Variants in RYR2 observed in about 807,000 individuals in gnomAD.
RYR2 encodes cardiac muscle ryanodine receptor-calcium release channel.
RYR2 carries 227 observed loss-of-function variants against 601.1 expected under a neutral mutation model. That is an observed-to-expected ratio of 0.38 (90% confidence interval 0.34 to 0.42). The LOEUF (loss-of-function observed/expected upper bound fraction) is 0.42. Among genes scored for constraint, RYR2 ranks in the 10% least tolerant of loss-of-function variants. The pLI is 1.00. For synonymous variants in RYR2, 2,223 were observed against 2,175.1 expected, an observed-to-expected ratio of 1.02 and a Z score of -0.61; for missense variants, 4,646 against 6,156.5, an observed-to-expected ratio of 0.75 and a Z score of 8.21.
intron 1 of RYR2, among the ~76,000 whole-genome samples, chr1:237,171,101 G>C (rs1677316043): frequency 6.6e-6 from 1 of 151,980 alleles, no homozygotes; most frequent in African/African-American, 2.4e-5. Flanking sequence ...GGGTGTGGTG[G>C]TGGGCACCTG....
chr1:237,806,373 G>A, intron 99 of RYR2, 90 bp downstream of exon 99: 4 of 1,302,092 alleles, frequency 3.1e-6, no homozygotes, highest in South Asian at 2.9e-5. Flanking sequence ...AAATGACAAT[G>A]TACAGTTTTA....
chr1:237,648,666 T>C, intron 49 of RYR2, 53 bp downstream of exon 49: 1 of 1,527,376 alleles, frequency 6.5e-7, no homozygotes, highest in Non-Finnish European at 8.8e-7. Flanking sequence ...CTCTGTGCCT[T>C]ATGATGTTCT....
At chr1:237,486,832 T>A (rs1195645821) in intron 17 of RYR2, among the ~76,000 whole-genome samples, 1 of 152,172 alleles carries the variant, frequency 6.6e-6, no homozygotes, top group Non-Finnish European at 1.5e-5. Context: ...ACTTCTGGTC[T>A]TTTTTAAAAT....
intron 4 of RYR2, among the ~76,000 whole-genome samples, chr1:237,359,527 C>A (rs1699593385): frequency 1.3e-5 from 2 of 152,264 alleles, no homozygotes; most frequent in South Asian, 4.1e-4. Context: ...GGGAGCCTTA[C>A]AAACTTAAAT....
chr1:237,447,839 CT>C (rs1226201694), intron 14 of RYR2, among the ~76,000 whole-genome samples: 1 of 147,120 alleles, frequency 6.8e-6, no homozygotes, highest in African/African-American at 2.5e-5. Flanking sequence ...CTCCCTCCCT[CT>C]TTCCCCTCCC....
intron 1 of RYR2, among the ~76,000 whole-genome samples, chr1:237,195,711 T>G (rs910405106): frequency 2.0e-5 from 3 of 152,236 alleles, no homozygotes; most frequent in Non-Finnish European, 2.9e-5. Context: ...AGTCTGGTCA[T>G]TGTATACCCT....
intron 16 of RYR2, among the ~76,000 whole-genome samples, chr1:237,464,627 C>A (rs1659860919): frequency 6.6e-6 from 1 of 152,038 alleles, no homozygotes; most frequent in South Asian, 2.1e-4. Context: ...AAGATATTTC[C>A]CCCCCAAATA....
chr1:237,381,251 C>CAAAAAA (rs60493059), intron 8 of RYR2, among the ~76,000 whole-genome samples: 55 of 45,634 alleles, frequency 1.2e-3, no homozygotes, highest in Non-Finnish European at 1.6e-3. Flanking sequence ...GACTCCGTCT[C>CAAAAAA]AAAAAAAAAA....
rs777805773 is a variant in RYR2, at chr1:237,338,907, A to G, written c.273+7925A>G. Among the ~76,000 whole-genome samples, 50 of 152,342 alleles carry G rather than the reference A, an allele frequency of 3.3e-4. 1 individual carries two copies. The highest frequency in any genetic ancestry group is 1.1e-3 in the African/African-American group (47 of 41,582). On this transcript the variant is annotated intron_variant, in intron 3 of 104. Coordinates refer to ENST00000366574, the MANE Select transcript of RYR2 (RefSeq NM_001035.3). ...AAGGAGTTGATGAATTTTGTAGTTC[A>G]TATGATATAAATTGTGTTCTGTATA...
At chr1:237,055,251 A>C (rs1661841636) in intron 1 of RYR2, among the ~76,000 whole-genome samples, 1 of 152,156 alleles carries the variant, frequency 6.6e-6, no homozygotes, top group African/African-American at 2.4e-5. Flanking sequence ...GGGAGCCCTG[A>C]GACCAGGGTC....
chr1:237,778,551 A>G, intron 87 of RYR2, 115 bp from the exon 88 acceptor site: 1 of 481,458 alleles, frequency 2.1e-6, no homozygotes, highest in Non-Finnish European at 3.8e-6. Context: ...TTTTCAGATA[A>G]CGTGCTAGCA....
chr1:237,065,014 T>A (rs1249457144), intron 1 of RYR2, among the ~76,000 whole-genome samples: 1 of 151,900 alleles, frequency 6.6e-6, no homozygotes, highest in Non-Finnish European at 1.5e-5. Flanking sequence ...GTATTGTGTG[T>A]TCTGTTTTAA....
chr1:237,056,230 GC>G (rs1662021040), intron 1 of RYR2, among the ~76,000 whole-genome samples: 6 of 149,768 alleles, frequency 4.0e-5, no homozygotes, highest in African/African-American at 9.9e-5. Context: ...GAGGACTGGA[GC>G]ACTGCACCTG....
intron 43 of RYR2, 140 bp downstream of exon 43, chr1:237,633,850 A>T: frequency 1.3e-6 from 1 of 794,792 alleles, no homozygotes. Context: ...GCCAATAGGT[A>T]TATGAAAAAA....
chr1:237,590,539 G>A (rs1268812520), intron 30 of RYR2, 101 bp from the exon 31 acceptor site: 8 of 868,510 alleles, frequency 9.2e-6, no homozygotes, highest in South Asian at 2.0e-5. Context: ...TGTGTGGACC[G>A]CATTTGGGAT....
chr1:237,266,186 A>G (rs568504498), intron 1 of RYR2, among the ~76,000 whole-genome samples: 1 of 152,226 alleles, frequency 6.6e-6, no homozygotes, highest in East Asian at 1.9e-4. Context: ...GCGGCTGAAT[A>G]GCAAAGACTA....
chr1:237,483,286 T>C (rs966487832), intron 17 of RYR2, among the ~76,000 whole-genome samples: 1 of 152,220 alleles, frequency 6.6e-6, no homozygotes, highest in Non-Finnish European at 1.5e-5. Context: ...CTTTGTTTCA[T>C]TTGCCTTATT....
In RYR2 at chr1:237,501,533, T is replaced by G. The variant is rs982256890; in HGVS notation, c.2396+630T>G. Among the ~76,000 whole-genome samples, 3 of 152,224 alleles carry G rather than the reference T, an allele frequency of 2.0e-5. No homozygotes were observed. In the East Asian group the frequency reaches 5.8e-4, roughly 29 times the overall value. On this transcript the variant is annotated intron_variant, in intron 21 of 104. Coordinates refer to ENST00000366574, the MANE Select transcript of RYR2 (RefSeq NM_001035.3). ...AATGAAACTTTAATAAATGATGGTC[T>G]GTTATAATAAGTAACTACTCTGTCA...
chr1:237,814,309 C>A (rs1429237613), intron 100 of RYR2, among the ~76,000 whole-genome samples: 1 of 152,196 alleles, frequency 6.6e-6, no homozygotes, highest in Non-Finnish European at 1.5e-5. Context: ...ATGATCCTTT[C>A]TTTATGACAG....
Sources: gnomAD v4.1 joint callset for allele counts (sites outside exome capture counted in the v4.1 genomes callset) on GRCh38, gnomAD v4.1.1 for gene constraint, MANE v1.5 for transcripts, NCBI Gene and HGNC (gene_info 2026-07-23, HGNC 2026-07-21) for gene names.